TSC2: variants seen among roughly 807,000 people sequenced by gnomAD.
The protein encoded by TSC2 is tuberin.
TSC2 carries 29 observed loss-of-function variants against 202.2 expected under a neutral mutation model. The observed-to-expected ratio is 0.14, with a 90% CI of 0.11 to 0.20. The LOEUF (loss-of-function observed/expected upper bound fraction) is 0.20, where lower values mean the gene tolerates loss of function less well. TSC2 is among the 10% of genes least tolerant of loss of function. The pLI, the probability that TSC2 is intolerant of heterozygous loss-of-function variation, is 1.00. For synonymous variants in TSC2, 1,349 were observed against 1,044.0 expected (o/e 1.29, Z -5.63); for missense variants, 2,429 against 2,420.0 (o/e 1.00, Z -0.08).
At chr16:2,064,473 C>A (rs773754650) in intron 15 of TSC2, 46 bp downstream of exon 15, 3 of 1,610,998 alleles carry the variant, frequency 1.9e-6, no homozygotes, top group Non-Finnish European at 2.5e-6. Flanking sequence ...TGCCAGAGCT[C>A]CGTGGGCAGC....
chr16:2,054,702 A>G (rs2151048845), intron 5 of TSC2: 3 of 549,118 alleles, frequency 5.5e-6, no homozygotes, highest in Admixed American at 3.1e-5. Flanking sequence ...CACCTCTGCA[A>G]CGGCAGGAGC....
chr16:2,070,390 A>AG lies in TSC2; in HGVS notation c.1717-63dup, dbSNP rs1248776012. On this transcript the variant is annotated intron_variant, in intron 16 of 41. Transcript: ENST00000219476. ...CCGCCCCGGCCCCTGCTCCGGGACA[A>AG]GGGTGCTGTCTTAGGACTGCGTTTT... is the stretch of plus-strand genomic sequence containing the variant. 9 of 1,612,606 alleles carry AG rather than the reference A, an allele frequency of 5.6e-6. No individual in the cohort carries two copies. The African/African-American group carries it at 1.1e-4, about 19-fold the overall frequency.
intron 5 of TSC2, chr16:2,054,796 C>G: frequency 2.5e-6 from 1 of 396,428 alleles, no homozygotes; most frequent in Non-Finnish European, 4.8e-6. Context: ...CCTCCTTTCT[C>G]CACTTTGTGG....
chr16:2,087,624 C>CCAG (rs758336077), intron 38 of TSC2, among the ~76,000 whole-genome samples: 14 of 152,138 alleles, frequency 9.2e-5, no homozygotes, highest in Non-Finnish European at 1.9e-4. Context: ...TGGAGGTGCC[C>CCAG]CAGCAATTAG....
At chr16:2,083,041 A>G in intron 32 of TSC2, 2 of 448,726 alleles carry the variant, frequency 4.5e-6, no homozygotes, top group South Asian at 3.1e-5. Context: ...CGTGCAGACG[A>G]GCTGGTTTGG....
chr16:2,050,530 A>G, intron 3 of TSC2, 44 bp downstream of exon 3: 4 of 1,559,104 alleles, frequency 2.6e-6, no homozygotes, highest in Non-Finnish European at 3.5e-6. Context: ...CACGTAGACT[A>G]TTCAGAGCCT....
intron 16 of TSC2, chr16:2,066,390 C>T (rs1460896907): frequency 6.6e-6 from 1 of 152,430 alleles, no homozygotes; most frequent in Non-Finnish European, 1.5e-5. Flanking sequence ...GGAAGGAGCA[C>T]ATTTTGTCTG....
Position 2,072,367 on chromosome 16 carries a change from C to G in TSC2, c.2220+4C>G, listed in dbSNP as rs781186613. 12 of 1,613,782 alleles carry G rather than the reference C, an allele frequency of 7.4e-6. No homozygotes were observed. In the African/African-American group the frequency reaches 1.6e-4, roughly 22 times the overall value. ...GTGCTCTGCTCTCTGCTCCATGGTA[C>G]CATGGCCGGCCTGGGGTTGGGGTGG... On this transcript the variant is annotated splice_donor_region_variant and intron_variant, in intron 20 of 41. Transcript: ENST00000219476.
intron 38 of TSC2, 67 bp from the exon 39 acceptor site, chr16:2,087,796 G>C (rs2091029954): frequency 6.4e-7 from 1 of 1,572,188 alleles, no homozygotes; most frequent in Non-Finnish European, 8.7e-7. Context: ...GTGCAACCAG[G>C]CAGTAGCCGA....
rs184107766 is a variant in TSC2 at position 2,069,726 on chromosome 16, C to T, written c.1717-730C>T. ...TGATCTCCTGACCTCATGATCCACC[C>T]GCCTCGGCTTCCCAAAGTGCTGGGA... On this transcript the variant is annotated intron_variant, in intron 16 of 41. Transcript: ENST00000219476. Among the ~76,000 whole-genome samples, 46 of 152,264 alleles carry T rather than the reference C, an allele frequency of 3.0e-4. No individual in the cohort carries two copies. The East Asian group carries it at 4.4e-3, about 15-fold the overall frequency.
chr16:2,086,537 G>A (rs1043043713), intron 37 of TSC2, among the ~76,000 whole-genome samples, 158 bp downstream of exon 37: 21 of 152,198 alleles, frequency 1.4e-4, no homozygotes, highest in African/African-American at 5.1e-4. Flanking sequence ...GGGCATGGAG[G>A]CAGTGATGGG....
rs1029007725 is a variant in TSC2 at position 2,058,733 on chromosome 16, G to T, written c.849-14G>T. On this transcript the variant is annotated splice_polypyrimidine_tract_variant and intron_variant, in intron 9 of 41. Transcript: ENST00000219476. Reference sequence around the variant, plus strand: ...GCCCTGCTCACATTCCGTCTCTCTGGGGAACACTTTTAGAGCCTACATGGA... The same window carrying T: ...GCCCTGCTCACATTCCGTCTCTCTGTGGAACACTTTTAGAGCCTACATGGA... 6.4e-7 allele frequency: 1 copy of T among 1,573,742 alleles called. No homozygotes were observed. The highest frequency in any genetic ancestry group is 2.3e-5 in the East Asian group (1 of 43,314).
At position 2,088,817 on chromosome 16, in the gene TSC2, C is replaced by T. The variant is rs987163812; in HGVS notation, c.*207C>T. 5.8e-6 allele frequency: 4 copies of T among 685,062 alleles called. No individual in the cohort carries two copies. Among genetic ancestry groups the T allele is most frequent in the African/African-American group, 5.4e-5 (3 of 55,150 alleles). The allele number at this position is 685,062 out of a possible 1,614,324, so 42.4% of individuals were successfully genotyped here. On this transcript the variant is annotated 3_prime_UTR_variant, in exon 42 of 42. Transcript: ENST00000219476. Reference sequence around the variant, plus strand: ...CACAGAAGTGGTACACAGAAGCAGGCACAGCCAGCTCCGAGGGCCTTGAGG... The same window carrying T: ...CACAGAAGTGGTACACAGAAGCAGGTACAGCCAGCTCCGAGGGCCTTGAGG...
At chr16:2,062,364 T>C in intron 12 of TSC2, 133 bp from the exon 13 acceptor site, 1 of 853,262 alleles carries the variant, frequency 1.2e-6, no homozygotes, top group Non-Finnish European at 1.9e-6. Flanking sequence ...AGTGCCTTTG[T>C]GTCTGGGCTG....
At position 2,086,788 on chromosome 16, in the gene TSC2, G is replaced by A. The variant is rs45482398; in HGVS notation, c.4906G>A (p.Asp1636Asn). ...CAAGGACGTGGACAAGCACCGCTGC[G>A]ACAAGAAGCGCCACCTGGGCAACGA... ...PTKDVDKHRC[D>N]KKRHLGNDFV... Residue 1636 changes from aspartate to asparagine, a missense_variant, in exon 38 of 42, where the codon GAC becomes AAC. Asp to Asn is a conservative substitution (Grantham distance 23). Coordinates refer to ENST00000219476, the MANE Select transcript of TSC2 (RefSeq NM_000548.5). The A allele has an allele frequency of 1.7e-5, 27 of 1,611,400 alleles. No homozygotes were observed. The highest frequency in any genetic ancestry group is 1.1e-4 in the East Asian group (5 of 44,876).
chr16:2,083,520 G>C, intron 32 of TSC2, 175 bp from the exon 33 acceptor site: 1 of 1,137,464 alleles, frequency 8.8e-7, no homozygotes, highest in African/African-American at 1.5e-5. Flanking sequence ...GTCACGTGCA[G>C]GCCTTCCCAG....
Position 2,079,096 on chromosome 16 carries a change from G to T in TSC2, c.3031G>T (p.Ala1011Ser), listed in dbSNP as rs1430119276. Residue 1011 changes from alanine (A) to serine (S), a missense_variant, in exon 27 of 42, where the codon GCT (alanine) becomes TCT (serine). By Grantham distance (99) the Ala-to-Ser change is moderately conservative. Coordinates refer to ENST00000219476, the MANE Select transcript of TSC2 (RefSeq NM_000548.5). This position sits in a 1 kb window ranked among gnomAD's most constrained non-coding sequence, Gnocchi z 4.6. ...TGCAGATGAGAACTCCGTGGCCCAG[G>T]CTGACGATAGCCTGAAAAACCTCCA... Reference protein sequence around the residue: ...GSADENSVAQADDSLKNLHLE... With the variant: ...GSADENSVAQSDDSLKNLHLE... The T allele has an allele frequency of 2.5e-6, 4 of 1,612,874 alleles. No homozygotes were observed. The highest frequency in any genetic ancestry group is 1.3e-5 in the African/African-American group (1 of 74,918).
chr16:2,076,803 C>T (rs1295512074), intron 25 of TSC2: 1 of 579,712 alleles, frequency 1.7e-6, no homozygotes, highest in Non-Finnish European at 3.1e-6. Context: ...GTGCCACGGG[C>T]ACCTACTTGT....
chr16:2,067,148 T>A (rs9928805), intron 16 of TSC2, among the ~76,000 whole-genome samples: 1,857 of 151,710 alleles, frequency 0.012, 40 homozygotes, highest in African/African-American at 0.043. Context: ...TTGAAAGTGG[T>A]GATGATTTTT....
Sources: gnomAD v4.1 joint callset for allele counts (sites outside exome capture counted in the v4.1 genomes callset) on GRCh38, gnomAD v4.1.1 for gene constraint, Gnocchi (gnomAD v3.1) non-coding constraint, MANE v1.5 for transcripts, NCBI Gene and HGNC (gene_info 2026-07-23, HGNC 2026-07-21) for gene names.